The following GTF3C3 variants were observed in gnomAD, a reference collection of about 807,000 sequenced individuals.
GTF3C3 encodes general transcription factor 3C polypeptide 3.
A neutral mutation model predicts 105.2 loss-of-function variants in GTF3C3; 75 were observed. The ratio of observed to expected loss-of-function variants is 0.71; its 90% CI spans 0.59 to 0.86. The LOEUF (loss-of-function observed/expected upper bound fraction) is 0.86, where lower values mean the gene tolerates loss of function less well. Ranked by LOEUF, GTF3C3 falls within the 40% of genes least tolerant of loss-of-function variation. The pLI, the probability that GTF3C3 is intolerant of heterozygous loss-of-function variation, is 0.00. For missense variants in GTF3C3, 856 were observed against 1,076.5 expected, an observed-to-expected ratio of 0.80 and a Z score of 2.87; for synonymous variants, 335 against 370.4, an observed-to-expected ratio of 0.90 and a Z score of 1.10.
rs1311447282 is a variant in GTF3C3, at chr2:196,789,381, G to T, written c.728-12C>A. 3 of 1,564,468 alleles carry T rather than the reference G, an allele frequency of 1.9e-6. No individual in the cohort carries two copies. The highest frequency in any genetic ancestry group is 3.4e-4 in the Middle Eastern group (2 of 5,828). On this transcript the variant is annotated splice_polypyrimidine_tract_variant and intron_variant, in intron 5 of 17. Coordinates refer to ENST00000263956, the MANE Select transcript of GTF3C3 (RefSeq NM_012086.5). ...TTCATATTTAAGAGCTAAAAAGAAA[G>T]AAATACAAATTATTTACCACAAAAA...
At chr2:196,771,113 TTTAA>T (rs1481072644) in intron 15 of GTF3C3, among the ~76,000 whole-genome samples, 1 of 152,026 alleles carries the variant, frequency 6.6e-6, no homozygotes, top group Non-Finnish European at 1.5e-5. Flanking sequence ...TTGCTTCTTC[TTTAA>T]TTTTTTTTTA....
In GTF3C3 at chr2:196,786,472, C is replaced by G. The variant is rs148716095; in HGVS notation, c.894-884G>C. 5.6e-3 allele frequency among the ~76,000 whole-genome samples: 852 copies of G among 152,256 alleles called. 12 individuals are homozygous for G. Among genetic ancestry groups the G allele is most frequent in the Non-Finnish European group, 4.9e-3 (333 of 68,004 alleles). ...ATCCCACATATTTCCAGCACATCTA[C>G]CTACTTACCAGTATCTTTGGCCATA... On this transcript the variant is annotated intron_variant, in intron 6 of 17. Coordinates refer to ENST00000263956, the MANE Select transcript of GTF3C3 (RefSeq NM_012086.5). The surrounding 1 kb of genome is among the most constrained non-coding windows in gnomAD (Gnocchi z 4.2).
chr2:196,777,684 A>G (rs1264881444), intron 10 of GTF3C3: 1 of 152,140 alleles, frequency 6.6e-6, no homozygotes, highest in African/African-American at 2.4e-5. Context: ...TTTGTTACTG[A>G]AATAACTGAA....
In GTF3C3 at chr2:196,768,712, T is replaced by C. The variant is rs1394335879; in HGVS notation, c.2385+1203A>G. 3.3e-5 allele frequency among the ~76,000 whole-genome samples: 5 copies of C among 152,256 alleles called. No homozygotes were observed. The East Asian group carries it at 9.6e-4, about 29-fold the overall frequency. ...ACTTCCATATTCTCATTACCTCTTG[T>C]TTCATCTCTACCTCCAACCACTTGA... is the stretch of plus-strand genomic sequence containing the variant. On this transcript the variant is annotated intron_variant, in intron 16 of 17. Transcript: ENST00000263956.
intron 7 of GTF3C3, 113 bp from the exon 8 acceptor site, chr2:196,785,042 AAAG>A: frequency 1.4e-6 from 1 of 690,134 alleles, no homozygotes; most frequent in Non-Finnish European, 2.4e-6. Flanking sequence ...TGGGCTATAA[AAAG>A]AAAGAGTCTT....
chr2:196,771,518 G>T, intron 15 of GTF3C3, among the ~76,000 whole-genome samples: 1 of 152,246 alleles, frequency 6.6e-6, no homozygotes, highest in South Asian at 2.1e-4. Flanking sequence ...CTTACTATAT[G>T]TGCCAGGCAC....
intron 2 of GTF3C3, among the ~76,000 whole-genome samples, chr2:196,796,622 C>T (rs1232149011): frequency 6.6e-6 from 1 of 152,104 alleles, no homozygotes. Context: ...AGATATTAAG[C>T]CCAGCATCTA....
In GTF3C3 at chr2:196,786,677, A is replaced by T. The variant is rs898440078; in HGVS notation, c.894-1089T>A. Reference sequence around the variant, plus strand: ...CCCATCTAAATAAAGATAAATGGTAATTTTTCCCAACTTAAAAAATTCTCC... The same window carrying T: ...CCCATCTAAATAAAGATAAATGGTATTTTTTCCCAACTTAAAAAATTCTCC... On this transcript the variant is annotated intron_variant, in intron 6 of 17. Coordinates refer to ENST00000263956, the MANE Select transcript of GTF3C3 (RefSeq NM_012086.5). The surrounding 1 kb of genome is among the most constrained non-coding windows in gnomAD (Gnocchi z 4.2). Among the ~76,000 whole-genome samples, 11 of 151,744 alleles carry T rather than the reference A, an allele frequency of 7.2e-5. No individual in the cohort carries two copies. Among genetic ancestry groups the T allele is most frequent in the Non-Finnish European group, 1.6e-4 (11 of 67,918 alleles).
chr2:196,784,984 T>C (rs1447420489), intron 7 of GTF3C3, 55 bp from the exon 8 acceptor site: 2 of 1,153,926 alleles, frequency 1.7e-6, no homozygotes, highest in African/African-American at 3.1e-5. Flanking sequence ...AACCATTTCA[T>C]AATGCAAAGA....
At chr2:196,792,264 C>G (rs1480546345) in intron 3 of GTF3C3, among the ~76,000 whole-genome samples, 2 of 152,128 alleles carry the variant, frequency 1.3e-5, no homozygotes, top group Non-Finnish European at 2.9e-5. Flanking sequence ...CTCAAGCATC[C>G]TCCCACCTCA....
At chr2:196,794,141 GCT>G (rs1425189503) in intron 2 of GTF3C3, among the ~76,000 whole-genome samples, 1 of 152,226 alleles carries the variant, frequency 6.6e-6, no homozygotes, top group East Asian at 1.9e-4. Context: ...GAGCTAGCAT[GCT>G]CAGCTCCCTC....
At chr2:196,797,956 G>T (rs1334466744) in intron 1 of GTF3C3, 48 bp from the exon 2 acceptor site, 2 of 1,031,956 alleles carry the variant, frequency 1.9e-6, no homozygotes, top group East Asian at 4.7e-5. Flanking sequence ...TGCAGACTTA[G>T]CTCTCCCCAG....
intron 17 of GTF3C3, among the ~76,000 whole-genome samples, chr2:196,766,031 A>AT (rs1407711958): frequency 6.6e-6 from 1 of 151,664 alleles, no homozygotes; most frequent in Non-Finnish European, 1.5e-5. Flanking sequence ...AAAAAAAAAA[A>AT]AATTGTGAGG....
chr2:196,797,734 A>G (rs557632483), intron 2 of GTF3C3, 63 bp downstream of exon 2: 16 of 926,416 alleles, frequency 1.7e-5, no homozygotes, highest in Admixed American at 1.2e-4. Flanking sequence ...ACAATGTTTC[A>G]CTAAATTACT....
chr2:196,799,628 T>C lies in GTF3C3; in HGVS notation c.-17A>G. Reference sequence around the variant, plus strand: ...CCCTGACATGTTTACAGGGTCTGTCTGTGCAACCCCAGGAACCGGGACAGA... The same window carrying C: ...CCCTGACATGTTTACAGGGTCTGTCCGTGCAACCCCAGGAACCGGGACAGA... On this transcript the variant is annotated 5_prime_UTR_variant, in exon 1 of 18. Coordinates refer to ENST00000263956, the MANE Select transcript of GTF3C3 (RefSeq NM_012086.5). The C allele has an allele frequency of 6.4e-7, 1 of 1,565,770 alleles. No homozygotes were observed. The highest frequency in any genetic ancestry group is 1.1e-5 in the South Asian group (1 of 89,940).
At chr2:196,787,952 G>A (rs1315359244) in intron 6 of GTF3C3, among the ~76,000 whole-genome samples, 2 of 152,064 alleles carry the variant, frequency 1.3e-5, no homozygotes, top group South Asian at 4.2e-4. Context: ...TGGCAGAACT[G>A]ACAATCATCA....
intron 5 of GTF3C3, 146 bp downstream of exon 5, chr2:196,789,733 A>G (rs79465969): frequency 3.8e-4 from 218 of 572,394 alleles, no homozygotes; most frequent in African/African-American, 3.8e-3. Flanking sequence ...GAACAGAGGA[A>G]CCCCAAATAC....
intron 3 of GTF3C3, among the ~76,000 whole-genome samples, chr2:196,792,072 A>C (rs1391833271): frequency 6.6e-6 from 1 of 152,170 alleles, no homozygotes; most frequent in Non-Finnish European, 1.5e-5. Context: ...CAGAATTATG[A>C]TGTAATTTAC....
At position 196,773,083 on chromosome 2, in the gene GTF3C3, G is replaced by A. The variant is rs771969282; in HGVS notation, c.1902C>T (p.Tyr634=). The change falls in exon 14 of 18, where the codon TAC becomes TAT. Residue 634 remains tyrosine (Y), a synonymous_variant. Coordinates refer to ENST00000263956, the MANE Select transcript of GTF3C3 (RefSeq NM_012086.5). ...DWWNLLLKAI[Y]SLCDLSRFQE... ...GAAATCGGGATAGGTCACATAAGGA[G>A]TATATGGCCTTCAACAGAAGATTCC... 19 of 1,612,646 alleles carry A rather than the reference G, an allele frequency of 1.2e-5. No homozygotes were observed. In the African/African-American group the frequency reaches 2.4e-4, roughly 20 times the overall value.
Sources: gnomAD v4.1 joint callset for allele counts (sites outside exome capture counted in the v4.1 genomes callset) on GRCh38, gnomAD v4.1.1 for gene constraint, Gnocchi (gnomAD v3.1) non-coding constraint, MANE v1.5 for transcripts, NCBI Gene and HGNC (gene_info 2026-07-23, HGNC 2026-07-21) for gene names.